Variants in ENTREP2 observed in about 807,000 individuals in gnomAD.
ENTREP2 encodes the protein endosomal transmembrane epsin interactor 2.
the ENTREP2 span, among the ~76,000 whole-genome samples, chr15:29,325,123 T>C: frequency 6.6e-6 from 1 of 152,128 alleles, no homozygotes; most frequent in East Asian, 1.9e-4. Flanking sequence ...GAAATGAAAA[T>C]ATACTTTGAA....
the ENTREP2 span, among the ~76,000 whole-genome samples, chr15:29,442,432 A>G: frequency 6.6e-6 from 1 of 152,222 alleles, no homozygotes; most frequent in Non-Finnish European, 1.5e-5. Context: ...AAAAGGGAAC[A>G]CAACCCTGAT....
chr15:29,252,187 ATTG>A, the ENTREP2 span, among the ~76,000 whole-genome samples: 1 of 152,238 alleles, frequency 6.6e-6, no homozygotes, highest in Non-Finnish European at 1.5e-5. Flanking sequence ...CAGTAAGTGA[ATTG>A]TTATCTAACT....
chr15:29,225,021 C>T, the ENTREP2 span, among the ~76,000 whole-genome samples: 5 of 152,186 alleles, frequency 3.3e-5, no homozygotes, highest in Admixed American at 1.3e-4. Flanking sequence ...CCCGGGCCGG[C>T]GGGCTGGCCG....
At chr15:29,659,410 G>T in the ENTREP2 span, among the ~76,000 whole-genome samples, 10 of 152,304 alleles carry the variant, frequency 6.6e-5, no homozygotes, top group South Asian at 1.9e-3. Context: ...AGCGGAGGTT[G>T]CAGTGAGCCG....
At chr15:29,260,765 T>C in the ENTREP2 span, among the ~76,000 whole-genome samples, 2 of 152,124 alleles carry the variant, frequency 1.3e-5, no homozygotes, top group South Asian at 2.1e-4. Context: ...TGAAATTTTC[T>C]AAAATAAAAA....
chr15:29,363,160 T>A, the ENTREP2 span, among the ~76,000 whole-genome samples: 1 of 152,080 alleles, frequency 6.6e-6, no homozygotes, highest in Non-Finnish European at 1.5e-5. Flanking sequence ...GCAAAATACA[T>A]TCTCTTAAAA....
chr15:29,376,763 A>C, the ENTREP2 span: 1 of 152,238 alleles, frequency 6.6e-6, no homozygotes, highest in Non-Finnish European at 1.5e-5. Flanking sequence ...TAAGCGCAGA[A>C]TGATGAAAAG....
chr15:29,378,154 C>G, the ENTREP2 span, among the ~76,000 whole-genome samples: 6 of 151,380 alleles, frequency 4.0e-5, no homozygotes, highest in Non-Finnish European at 8.8e-5. Context: ...GGTGTGGAAG[C>G]CTTGGCCTCG....
chr15:29,268,752 C>G, the ENTREP2 span: 6 of 1,559,998 alleles, frequency 3.8e-6, no homozygotes, highest in African/African-American at 1.4e-5. Flanking sequence ...GCCTTTGGGT[C>G]TCAGACCCTT....
At chr15:29,397,440 A>G in the ENTREP2 span, among the ~76,000 whole-genome samples, 2 of 152,312 alleles carry the variant, frequency 1.3e-5, no homozygotes, top group East Asian at 3.9e-4. Context: ...TAAGTAAGTA[A>G]TCAATAAAAT....
the ENTREP2 span, among the ~76,000 whole-genome samples, chr15:29,347,140 G>A: frequency 2.0e-5 from 3 of 152,074 alleles, no homozygotes; most frequent in African/African-American, 7.2e-5. Flanking sequence ...CTAAAAGAAG[G>A]AACCATTTCC....
At chr15:29,571,760 C>T in the ENTREP2 span, among the ~76,000 whole-genome samples, 1 of 152,142 alleles carries the variant, frequency 6.6e-6, no homozygotes, top group East Asian at 1.9e-4. Context: ...CTTGGAATAC[C>T]GGGAAATCCT....
chr15:29,454,631 C>T, the ENTREP2 span, among the ~76,000 whole-genome samples: 3 of 152,176 alleles, frequency 2.0e-5, no homozygotes, highest in African/African-American at 7.2e-5. Flanking sequence ...CCCAATGCCC[C>T]CCACCTCCTA....
At chr15:29,462,501 T>A in the ENTREP2 span, among the ~76,000 whole-genome samples, 1 of 151,886 alleles carries the variant, frequency 6.6e-6, no homozygotes, top group South Asian at 2.1e-4. Flanking sequence ...TGCCAGCTAC[T>A]CGGGAGGCTG....
the ENTREP2 span, among the ~76,000 whole-genome samples, chr15:29,451,578 G>A: frequency 2.6e-5 from 4 of 152,194 alleles, no homozygotes; most frequent in Non-Finnish European, 4.4e-5. Context: ...GACTCGGGGC[G>A]TGACTGAAAT....
the ENTREP2 span, among the ~76,000 whole-genome samples, chr15:29,548,454 A>T: frequency 2.0e-5 from 1 of 49,742 alleles, no homozygotes; most frequent in African/African-American, 1.5e-4. Context: ...GATTCTGCCT[A>T]AAAAAAAAAA....
At chr15:29,333,353 G>C in the ENTREP2 span, among the ~76,000 whole-genome samples, 1 of 152,250 alleles carries the variant, frequency 6.6e-6, no homozygotes, top group South Asian at 2.1e-4. Context: ...GCCTTAGAAG[G>C]GCCTGCAGAG....
the ENTREP2 span, among the ~76,000 whole-genome samples, chr15:29,656,327 G>A: frequency 6.6e-6 from 1 of 151,844 alleles, no homozygotes; most frequent in Non-Finnish European, 1.5e-5. Context: ...GCAGCTTTAA[G>A]CAATTCTCAT....
At chr15:29,595,853 G>C in the ENTREP2 span, among the ~76,000 whole-genome samples, 1 of 152,022 alleles carries the variant, frequency 6.6e-6, no homozygotes, top group East Asian at 1.9e-4. Context: ...GACTTTGGGG[G>C]CTCTTTCAGT....
Sources: gnomAD v4.1 joint callset for allele counts (sites outside exome capture counted in the v4.1 genomes callset) on GRCh38, gnomAD v4.1.1 for gene constraint, MANE v1.5 for transcripts, NCBI Gene and HGNC (gene_info 2026-07-23, HGNC 2026-07-21) for gene names.